The following COBLL1 variants were observed in gnomAD, a reference collection of about 807,000 sequenced individuals.
The protein encoded by COBLL1 is cordon-bleu WH2 repeat protein like 1.
A neutral mutation model predicts 94.8 loss-of-function variants in COBLL1; 50 were observed. The ratio of observed to expected loss-of-function variants is 0.53; its 90% CI spans 0.42 to 0.67. COBLL1 has a LOEUF of 0.67. Ranked by LOEUF, COBLL1 falls within the 30% of genes least tolerant of loss-of-function variation. COBLL1 has a pLI of 0.00. For missense variants in COBLL1, 1,362 were observed against 1,348.7 expected (o/e 1.01, Z -0.15); for synonymous variants, 448 against 473.8 (o/e 0.95, Z 0.71).
At chr2:164,800,344 T>A (rs1326045115) in intron 2 of COBLL1, among the ~76,000 whole-genome samples, 1 of 152,142 alleles carries the variant, frequency 6.6e-6, no homozygotes, top group Non-Finnish European at 1.5e-5. Context: ...AGTGCCTTTA[T>A]GAAAATGTAG....
In COBLL1 at chr2:164,804,579, T is replaced by C. The variant is rs191147092; in HGVS notation, c.41+36577A>G. Among the ~76,000 whole-genome samples, 397 of 152,302 alleles carry C rather than the reference T, an allele frequency of 2.6e-3. 2 individuals carry two copies. Among genetic ancestry groups the C allele is most frequent in the African/African-American group, 9.2e-3 (384 of 41,566 alleles). Reference sequence around the variant, plus strand: ...TCTTATCAGATCTGATCGTTTCTTATAACGTGGCTGACAAAATGTTGATAC... The same window carrying C: ...TCTTATCAGATCTGATCGTTTCTTACAACGTGGCTGACAAAATGTTGATAC... On this transcript the variant is annotated intron_variant, in intron 2 of 13. Coordinates refer to ENST00000652658, the MANE Select transcript of COBLL1 (RefSeq NM_001365672.2).
intron 11 of COBLL1, 92 bp from the exon 12 acceptor site, chr2:164,695,928 G>T (rs1683922879): frequency 2.0e-6 from 2 of 1,020,826 alleles, no homozygotes; most frequent in East Asian, 2.6e-5. Context: ...AAATAGTTTG[G>T]TTTGAATTCT....
At chr2:164,716,936 A>G (rs1363057807) in intron 7 of COBLL1, among the ~76,000 whole-genome samples, 2 of 152,178 alleles carry the variant, frequency 1.3e-5, no homozygotes, top group Non-Finnish European at 1.5e-5. Flanking sequence ...ACATCAGTAA[A>G]CCTTGACTAA....
At chr2:164,824,210 A>C (rs355807) in intron 2 of COBLL1, among the ~76,000 whole-genome samples, 42,990 of 151,838 alleles carry the variant, frequency 0.28, 6,466 homozygotes, top group African/African-American at 0.38. Flanking sequence ...GGAGAAACCA[A>C]GTCTCTATTA....
intron 2 of COBLL1, among the ~76,000 whole-genome samples, chr2:164,820,455 C>T (rs567161207): frequency 6.9e-6 from 1 of 144,476 alleles, no homozygotes; most frequent in South Asian, 2.2e-4. Flanking sequence ...TCCTGGGCTT[C>T]GGTGATCTGC....
intron 2 of COBLL1, among the ~76,000 whole-genome samples, chr2:164,768,001 T>C (rs1688018051): frequency 2.0e-5 from 3 of 152,148 alleles, no homozygotes; most frequent in African/African-American, 7.2e-5. Flanking sequence ...TTTCAGCATG[T>C]ATTACTGAGG....
At chr2:164,667,946 C>A (rs910379945) in intron 1 of COBLL1, among the ~76,000 whole-genome samples, 1 of 132,870 alleles carries the variant, frequency 7.5e-6, no homozygotes, top group Non-Finnish European at 1.6e-5. Context: ...TCTCGGCTTT[C>A]TTTTTTTTTT....
At chr2:164,718,614 A>G (rs1010181029) in intron 7 of COBLL1, among the ~76,000 whole-genome samples, 1 of 152,188 alleles carries the variant, frequency 6.6e-6, no homozygotes, top group Non-Finnish European at 1.5e-5. Flanking sequence ...GAGAATTTTT[A>G]CTGTATTCCT....
At chr2:164,834,809 C>T (rs949269641) in intron 2 of COBLL1, among the ~76,000 whole-genome samples, 1 of 152,070 alleles carries the variant, frequency 6.6e-6, no homozygotes, top group Non-Finnish European at 1.5e-5. Context: ...AGAATATATA[C>T]AGAATTAAAA....
chr2:164,820,399 G>C (rs919939304), intron 2 of COBLL1, among the ~76,000 whole-genome samples: 2 of 150,234 alleles, frequency 1.3e-5, no homozygotes, highest in Non-Finnish European at 3.0e-5. Context: ...TTCTGTATTT[G>C]TTACAGATTT....
intron 2 of COBLL1, among the ~76,000 whole-genome samples, chr2:164,823,824 G>C (rs1354255825): frequency 1.3e-5 from 2 of 152,068 alleles, no homozygotes; most frequent in African/African-American, 4.8e-5. Context: ...CACTGCTGCA[G>C]GATCTGTAAC....
intron 1 of COBLL1, among the ~76,000 whole-genome samples, chr2:164,672,712 A>AG (rs1377609341): frequency 6.7e-5 from 10 of 149,022 alleles, no homozygotes; most frequent in African/African-American, 2.5e-4. Flanking sequence ...TCTCAAAAAA[A>AG]AAAAAAAAAA....
chr2:164,762,076 G>T (rs949558480), intron 2 of COBLL1, among the ~76,000 whole-genome samples: 8 of 152,172 alleles, frequency 5.3e-5, no homozygotes, highest in African/African-American at 1.9e-4. Context: ...TAGCTCATTT[G>T]CTCTTCACTC....
downstream of COBLL1, among the ~76,000 whole-genome samples, chr2:164,679,987 G>A (rs1682965534): frequency 6.6e-6 from 1 of 151,792 alleles, no homozygotes; most frequent in South Asian, 2.1e-4. Context: ...AGATCTTGCA[G>A]TGTATGGTGT....
At chr2:164,787,625 C>T (rs1682931500) in intron 2 of COBLL1, among the ~76,000 whole-genome samples, 1 of 152,144 alleles carries the variant, frequency 6.6e-6, no homozygotes, top group South Asian at 2.1e-4. Flanking sequence ...ACTCCTGCAT[C>T]CCTTGCCTGT....
intron 2 of COBLL1, among the ~76,000 whole-genome samples, chr2:164,787,441 A>C (rs1379494090): frequency 6.6e-6 from 1 of 152,166 alleles, no homozygotes; most frequent in Non-Finnish European, 1.5e-5. Flanking sequence ...AATGGTAACT[A>C]TATGAGATGA....
intron 2 of COBLL1, among the ~76,000 whole-genome samples, chr2:164,834,354 A>G (rs1220440704): frequency 6.6e-6 from 1 of 152,200 alleles, no homozygotes; most frequent in Non-Finnish European, 1.5e-5. Flanking sequence ...TTCTCTTTAA[A>G]ATATATTCTA....
intron 2 of COBLL1, among the ~76,000 whole-genome samples, chr2:164,760,736 T>TA (rs915353348): frequency 4.6e-5 from 7 of 152,004 alleles, no homozygotes; most frequent in Admixed American, 3.3e-4. Context: ...AGAAAACTAG[T>TA]AAAAAAATAA....
At chr2:164,791,385 A>G (rs948284282) in intron 2 of COBLL1, among the ~76,000 whole-genome samples, 8 of 152,224 alleles carry the variant, frequency 5.3e-5, no homozygotes, top group South Asian at 2.1e-4. Context: ...CAGAAAGACA[A>G]AAGTCACATT....
Sources: allele counts gnomAD v4.1 joint callset (sites outside exome capture counted in the v4.1 genomes callset), GRCh38; gene constraint gnomAD v4.1.1; transcripts MANE v1.5; gene names NCBI Gene and HGNC (gene_info 2026-07-23, HGNC 2026-07-21).